Variants in TRIM16 observed in about 807,000 individuals in gnomAD.
TRIM16 encodes tripartite motif-containing protein 16.
A neutral mutation model predicts 50.4 loss-of-function variants in TRIM16; 33 were observed. The observed-to-expected ratio is 0.65, with a 90% CI of 0.50 to 0.88. The LOEUF (loss-of-function observed/expected upper bound fraction) is 0.88, where lower values mean the gene tolerates loss of function less well. Among genes scored for constraint, TRIM16 ranks in the 40% least tolerant of loss-of-function variants. The pLI is 0.00. For missense variants in TRIM16, 581 were observed against 686.8 expected (o/e 0.85, Z 1.72); for synonymous variants, 229 against 270.7 (o/e 0.85, Z 1.51).
intron 9 of TRIM16, among the ~76,000 whole-genome samples, chr17:15,634,832 A>G (rs1232468946): frequency 6.7e-6 from 1 of 148,852 alleles, no homozygotes; most frequent in Non-Finnish European, 1.5e-5. Context: ...CACACACACA[A>G]AAATAAATAA....
chr17:15,668,126 A>G (rs1243247821), intron 6 of TRIM16, among the ~76,000 whole-genome samples: 1 of 151,920 alleles, frequency 6.6e-6, no homozygotes, highest in Non-Finnish European at 1.5e-5. Flanking sequence ...GCTGCTCTGA[A>G]CCCTGATTTC....
intron 6 of TRIM16, among the ~76,000 whole-genome samples, chr17:15,656,128 T>A (rs1448896799): frequency 6.6e-6 from 1 of 152,062 alleles, no homozygotes; most frequent in Admixed American, 6.6e-5. Context: ...CCACAACTTC[T>A]AAGTCCCCTC....
intron 8 of TRIM16, among the ~76,000 whole-genome samples, chr17:15,637,169 TG>T (rs1237019435): frequency 4.8e-3 from 229 of 47,844 alleles, no homozygotes; most frequent in Admixed American, 9.8e-3. Context: ...GGGAGGGAGG[TG>T]GGGGGGTCAG....
chr17:15,656,681 C>G (rs114172211), intron 6 of TRIM16, among the ~76,000 whole-genome samples: 1,714 of 152,298 alleles, frequency 0.011, 14 homozygotes, highest in Middle Eastern at 0.02. Flanking sequence ...CAGCCTCCCC[C>G]TCTACCCCAG....
chr17:15,657,987 CA>C (rs1388017609), intron 6 of TRIM16, among the ~76,000 whole-genome samples: 4 of 152,158 alleles, frequency 2.6e-5, no homozygotes, highest in Non-Finnish European at 4.4e-5. Context: ...TTTCCTAAAC[CA>C]AACCTACCAC....
At position 15,628,941 on chromosome 17, in the gene TRIM16, T is replaced by G; in HGVS notation, c.1369A>C (p.Asn457His). 6.2e-7 allele frequency: 1 copy of G among 1,614,206 alleles called. No individual in the cohort carries two copies. The highest frequency in any genetic ancestry group is 8.5e-7 in the Non-Finnish European group (1 of 1,180,044). Residue 457 changes from asparagine to histidine, a missense_variant, in exon 12 of 12, where the codon AAC (asparagine) becomes CAC (histidine). By Grantham distance (68) the Asn-to-His change is moderately conservative. This residue lies in a region of TRIM16 where 115 missense variants were observed against 106.7 expected (regional missense o/e 1.08). Coordinates refer to ENST00000649191, the MANE Select transcript of TRIM16 (RefSeq NM_001348119.1). The stretch of plus-strand genomic sequence containing the variant: ...AAGTTGTTTCCGGAAATGCAACTGT[T>G]GCGCTCCTCCCCTTTCCGGTCGATG... ...KGIDRKGEER[N>H]SCISGNNFSW...
intron 6 of TRIM16, among the ~76,000 whole-genome samples, chr17:15,657,663 T>C (rs2150924561): frequency 6.6e-6 from 1 of 152,338 alleles, no homozygotes; most frequent in Middle Eastern, 3.4e-3. Flanking sequence ...CTGGCTTATT[T>C]CACTTGGCAT....
rs142657511 is a variant in TRIM16, at chr17:15,669,852, G to A, written c.-338+7324C>T. Among the ~76,000 whole-genome samples, 1,098 of 152,238 alleles carry A rather than the reference G, an allele frequency of 7.2e-3. 14 individuals are homozygous for A. The highest frequency in any genetic ancestry group is 0.025 in the African/African-American group (1,048 of 41,544). ...GTAGGGGCTGTCCCGTGCATTGTAG[G>A]ATGATTAGCAGTATCCCTTGCCTCT... On this transcript the variant is annotated intron_variant, in intron 6 of 11. Coordinates refer to ENST00000649191, the MANE Select transcript of TRIM16 (RefSeq NM_001348119.1).
At chr17:15,671,073 C>T (rs1051081624) in intron 6 of TRIM16, among the ~76,000 whole-genome samples, 5 of 152,266 alleles carry the variant, frequency 3.3e-5, no homozygotes, top group African/African-American at 1.2e-4. Flanking sequence ...GATAAATTGG[C>T]ATATCTTCTG....
At position 15,651,207 on chromosome 17, in the gene TRIM16, G is replaced by C. The variant is rs1987679956; in HGVS notation, c.403C>G (p.His135Asp). The change falls in exon 7 of 12, where the codon CAC becomes GAC. Residue 135 changes from histidine to aspartate, a missense_variant. His to Asp is a moderately conservative substitution (Grantham distance 81). Around this residue, in one of 3 missense-constraint regions of TRIM16, gnomAD observed 450 missense variants for 544.3 expected, o/e 0.83. Coordinates refer to ENST00000649191, the MANE Select transcript of TRIM16 (RefSeq NM_001348119.1). ...CAGCAGAAGGCAGACAGTGGGCTGTGGTGGGCAGGGCAGTATCGCCAGTTG... is the reference window on the plus strand; with the variant it reads ...CAGCAGAAGGCAGACAGTGGGCTGTCGTGGGCAGGGCAGTATCGCCAGTTG... ...DHNWRYCPAH[H>D]SPLSAFCCPD... The C allele has an allele frequency of 6.2e-7, 1 of 1,614,240 alleles. No homozygotes were observed. The highest frequency in any genetic ancestry group is 1.1e-5 in the South Asian group (1 of 91,090).
intron 7 of TRIM16, among the ~76,000 whole-genome samples, chr17:15,645,574 A>G (rs1249772978): frequency 7.4e-6 from 1 of 135,406 alleles, no homozygotes; most frequent in African/African-American, 3.7e-5. Context: ...AGAAAAAGAA[A>G]AAAAAAAAAG....
At chr17:15,681,368 C>T (rs1989175902) in intron 3 of TRIM16, 1 of 160,406 alleles carries the variant, frequency 6.2e-6, no homozygotes, top group African/African-American at 2.4e-5. Flanking sequence ...CAGCAGTGCC[C>T]ACCCCAGCAG....
intron 4 of TRIM16, 111 bp downstream of exon 4, chr17:15,680,754 A>C: frequency 7.5e-7 from 1 of 1,332,782 alleles, no homozygotes; most frequent in Non-Finnish European, 1.0e-6. Flanking sequence ...CTTCATGCTA[A>C]GAGAAAAAAA....
chr17:15,638,982 G>A (rs1986986477), intron 8 of TRIM16, among the ~76,000 whole-genome samples: 1 of 147,788 alleles, frequency 6.8e-6, no homozygotes, highest in Non-Finnish European at 1.5e-5. Context: ...AAGAAAGCAA[G>A]GGGTATCCCT....
rs1156439807 is a variant in TRIM16 at position 15,641,084 on chromosome 17, T to C, written c.615+1637A>G. On this transcript the variant is annotated intron_variant, in intron 8 of 11. Transcript: ENST00000649191. Reference sequence around the variant, plus strand: ...CAACTGAGGCCATCCTGAGAAAGGATAGTGGAAGGGAGGTGTCAGATGATA... The same window carrying C: ...CAACTGAGGCCATCCTGAGAAAGGACAGTGGAAGGGAGGTGTCAGATGATA... Among the ~76,000 whole-genome samples, 6 of 148,410 alleles carry C rather than the reference T, an allele frequency of 4.0e-5. 1 individual carries two copies. The East Asian group carries it at 8.2e-4, about 20-fold the overall frequency.
At chr17:15,647,345 T>G (rs1366637492) in intron 7 of TRIM16, among the ~76,000 whole-genome samples, 1 of 152,234 alleles carries the variant, frequency 6.6e-6, no homozygotes, top group Non-Finnish European at 1.5e-5. Context: ...AGGCTGTGAG[T>G]GATGCCAGTT....
rs1188539240 is a variant in TRIM16 at position 15,637,123 on chromosome 17, G to GC, written c.616-855_616-854insG. Among the ~76,000 whole-genome samples, 23 of 129,376 alleles carry GC rather than the reference G, an allele frequency of 1.8e-4. 1 individual carries two copies. The highest frequency in any genetic ancestry group is 3.6e-4 in the Non-Finnish European group (20 of 55,018). The allele number at this position is 129,376 out of a possible 152,430, so 84.9% of individuals were successfully genotyped here. ...CCCGTCCGGGAGGGAGGTGGGGGGG[G>GC]GGGGTCAGCCCCCCGCCCGGCCAGC... On this transcript the variant is annotated intron_variant, in intron 8 of 11. Coordinates refer to ENST00000649191, the MANE Select transcript of TRIM16 (RefSeq NM_001348119.1).
At chr17:15,659,919 C>T (rs1419206675) in intron 6 of TRIM16, among the ~76,000 whole-genome samples, 1 of 152,196 alleles carries the variant, frequency 6.6e-6, no homozygotes, top group Non-Finnish European at 1.5e-5. Flanking sequence ...GGTGTGAATG[C>T]CTCCAGGGCA....
In TRIM16 at chr17:15,629,089, G is replaced by A. The variant is rs1247789629; in HGVS notation, c.1221C>T (p.Asp407=). ...NTTPWEHPYP[D]LPSRFLHWRQ... ...GCCAGTGCAGGAACCTGCTGGGGAGGTCCGGGTAGGGATGCTCCCAGGGCG... is the reference window on the plus strand; with the variant it reads ...GCCAGTGCAGGAACCTGCTGGGGAGATCCGGGTAGGGATGCTCCCAGGGCG... Residue 407 remains aspartate (D), a synonymous_variant, in exon 12 of 12, where the codon GAC becomes GAT. Transcript: ENST00000649191. 8 of 1,613,952 alleles carry A rather than the reference G, an allele frequency of 5.0e-6. No homozygotes were observed. The highest frequency in any genetic ancestry group is 2.7e-5 in the African/African-American group (2 of 75,044).
Sources: gnomAD v4.1 joint callset for allele counts (sites outside exome capture counted in the v4.1 genomes callset) on GRCh38, gnomAD v4.1.1 for gene constraint, gnomAD v4.1.1 regional missense constraint, MANE v1.5 for transcripts, NCBI Gene and HGNC (gene_info 2026-07-23, HGNC 2026-07-21) for gene names.